Variants in NADSYN1 observed in about 807,000 individuals in gnomAD.
The protein encoded by NADSYN1 is glutamine-dependent NAD(+) synthetase.
NADSYN1 carries 80 observed loss-of-function variants against 99.3 expected under a neutral mutation model. The ratio of observed to expected loss-of-function variants is 0.81; its 90% CI spans 0.67 to 0.97. The LOEUF is 0.97. Among genes scored for constraint, NADSYN1 ranks in the 50% least tolerant of loss-of-function variants. The probability of loss-of-function intolerance (pLI) is 0.00; values close to 1 mark genes in which losing one functional copy is unlikely to be tolerated. For missense variants in NADSYN1, 859 were observed against 948.5 expected (o/e 0.91, Z 1.24); for synonymous variants, 385 against 372.1 (o/e 1.03, Z -0.40).
At chr11:71,474,297 C>T in intron 8 of NADSYN1, 98 bp from the exon 9 acceptor site, 1 of 1,507,622 alleles carries the variant, frequency 6.6e-7, no homozygotes, top group Non-Finnish European at 9.1e-7. Flanking sequence ...CTCAGGATGA[C>T]CTAGCGGGAC....
At chr11:71,496,491 G>A (rs1332513432) in intron 18 of NADSYN1, 2 of 152,362 alleles carry the variant, frequency 1.3e-5, no homozygotes, top group South Asian at 2.1e-4. Context: ...GATCTGACGG[G>A]AGGCGGAGTT....
chr11:71,473,257 A>G (rs759055118), intron 6 of NADSYN1, 21 bp from the exon 7 acceptor site: 1 of 1,611,256 alleles, frequency 6.2e-7, no homozygotes. Flanking sequence ...AATCTCATGC[A>G]CTCTTCTCTT....
chr11:71,473,966 G>A (rs1437401040), intron 8 of NADSYN1, among the ~76,000 whole-genome samples: 3 of 152,224 alleles, frequency 2.0e-5, no homozygotes, highest in Non-Finnish European at 2.9e-5. Context: ...ATGGTGAGGC[G>A]TAGGGAACAC....
intron 20 of NADSYN1, chr11:71,498,752 G>A (rs1949837538): frequency 4.4e-6 from 2 of 456,516 alleles, no homozygotes; most frequent in South Asian, 2.4e-5. Context: ...ATGACATTTC[G>A]ATATGTGTGT....
At chr11:71,478,270 C>T in intron 9 of NADSYN1, 125 bp from the exon 10 acceptor site, 2 of 776,850 alleles carry the variant, frequency 2.6e-6, no homozygotes, top group South Asian at 3.2e-5. Flanking sequence ...CCCTGGGCCT[C>T]CAGGAATCCA....
In NADSYN1 at chr11:71,501,432, A is replaced by G. The variant is rs1372769279; in HGVS notation, c.*80A>G. 8 of 1,397,620 alleles carry G rather than the reference A, an allele frequency of 5.7e-6. No individual in the cohort carries two copies. The highest frequency in any genetic ancestry group is 6.9e-6 in the Non-Finnish European group (7 of 1,016,020). The allele number at this position is 1,397,620 out of a possible 1,614,324, so 86.6% of individuals were successfully genotyped here. On this transcript the variant is annotated 3_prime_UTR_variant, in exon 21 of 21. Transcript: ENST00000319023. ...CAGCATTGCTGGAGCCAAGGGTAGG[A>G]GCCCTACACTAGGAGCCCAGGATGG...
intron 8 of NADSYN1, 83 bp downstream of exon 8, chr11:71,473,769 G>A: frequency 2.0e-6 from 2 of 994,016 alleles, no homozygotes; most frequent in Non-Finnish European, 3.1e-6. Flanking sequence ...CCATCGCAGG[G>A]CTGGGCCCAC....
Position 71,478,412 on chromosome 11 carries a change from G to T in NADSYN1, c.816G>T (p.Thr272=). 6.2e-7 allele frequency: 1 copy of T among 1,608,294 alleles called. No individual in the cohort carries two copies. Among genetic ancestry groups the T allele is most frequent in the Non-Finnish European group, 8.5e-7 (1 of 1,177,510 alleles). Residue 272 remains threonine, a synonymous_variant, in exon 10 of 21, where the codon ACG becomes ACT. Transcript: ENST00000319023. ...TTCTCCAGGAAGTCCTGACGGCCAC[G>T]CTGGATCTGGAGGACGTCCGGAGCT... The part of the protein sequence containing the change: ...SLDDVEVLTA[T]LDLEDVRSYR...
At chr11:71,457,464 C>G (rs1360829155) in intron 2 of NADSYN1, among the ~76,000 whole-genome samples, 1 of 152,226 alleles carries the variant, frequency 6.6e-6, no homozygotes, top group Admixed American at 6.5e-5. Context: ...TACAGATACT[C>G]TATATTTTAT....
intron 18 of NADSYN1, among the ~76,000 whole-genome samples, chr11:71,495,596 G>C (rs1001829328): frequency 7.2e-5 from 11 of 152,184 alleles, no homozygotes; most frequent in African/African-American, 2.7e-4. Flanking sequence ...TAGTTGTTCT[G>C]TCCATTATTG....
intron 11 of NADSYN1, 128 bp downstream of exon 11, chr11:71,481,007 G>A (rs540707520): frequency 7.5e-7 from 1 of 1,336,536 alleles, no homozygotes; most frequent in Middle Eastern, 2.6e-4. Flanking sequence ...GAAGGCAACT[G>A]TGCATCCCCT....
intron 5 of NADSYN1, among the ~76,000 whole-genome samples, chr11:71,468,404 C>G (rs759764722): frequency 6.6e-6 from 1 of 152,160 alleles, no homozygotes; most frequent in African/African-American, 2.4e-5. Context: ...TAGGGCAATG[C>G]TCTGTAGGAG....
At chr11:71,453,462 T>A in intron 1 of NADSYN1, 81 bp downstream of exon 1, 1 of 1,312,706 alleles carries the variant, frequency 7.6e-7, no homozygotes, top group East Asian at 2.5e-5. Flanking sequence ...CGTGGCGTGC[T>A]CACAGCCTTG....
chr11:71,484,656 C>CTG, intron 15 of NADSYN1: 1 of 656,904 alleles, frequency 1.5e-6, no homozygotes, highest in Admixed American at 3.0e-5. Context: ...AGGAGGGGGT[C>CTG]TGTGTGTGTG....
rs541551146 is a variant in NADSYN1, at chr11:71,494,659, A to G, written c.1764+2756A>G. Among the ~76,000 whole-genome samples, 8 of 152,186 alleles carry G rather than the reference A, an allele frequency of 5.3e-5. No homozygotes were observed. The East Asian group carries it at 5.8e-4, about 11-fold the overall frequency. On this transcript the variant is annotated intron_variant, in intron 18 of 20. Coordinates refer to ENST00000319023, the MANE Select transcript of NADSYN1 (RefSeq NM_018161.5). ...TCCGCCTCCCGGGTTCAAGCAAGCA[A>G]TTCTCCTGCCTCAGCCTCCCGAGTA...
chr11:71,486,874 C>T (rs568177518), intron 16 of NADSYN1, among the ~76,000 whole-genome samples: 23 of 132,654 alleles, frequency 1.7e-4, no homozygotes, highest in African/African-American at 4.8e-4. Context: ...GGCGCGATCT[C>T]GGCTCACTGC....
chr11:71,492,744 A>C (rs12807827), intron 18 of NADSYN1, among the ~76,000 whole-genome samples: 80,424 of 151,990 alleles, frequency 0.53, 25,374 homozygotes, highest in Non-Finnish European at 0.74. Flanking sequence ...CTGGAGAAAA[A>C]AAAGCTTTTG....
intron 9 of NADSYN1, chr11:71,475,558 G>A (rs1421444896): frequency 6.4e-6 from 1 of 155,690 alleles, no homozygotes; most frequent in Non-Finnish European, 1.4e-5. Context: ...CCTTTGGGAA[G>A]CTGATGAAAG....
rs1191712759 is a variant in NADSYN1 at position 71,473,534 on chromosome 11, G to A, written c.549-35G>A. On this transcript the variant is annotated intron_variant, in intron 7 of 20. Transcript: ENST00000319023. The stretch of plus-strand genomic sequence containing the variant: ...CAGGGAGGCTGGTTTGGAGGAGTCT[G>A]GTGGCCTGTTCTCTTCACCTGCCTC... 1.9e-6 allele frequency: 3 copies of A among 1,582,246 alleles called. No homozygotes were observed. The South Asian group carries it at 3.3e-5, about 18-fold the overall frequency.
Sources: allele counts gnomAD v4.1 joint callset (sites outside exome capture counted in the v4.1 genomes callset), GRCh38; gene constraint gnomAD v4.1.1; transcripts MANE v1.5; gene names NCBI Gene and HGNC (gene_info 2026-07-23, HGNC 2026-07-21).